TAFA5: variants seen among roughly 807,000 people sequenced by gnomAD.
The protein encoded by TAFA5 is TAFA chemokine like family member 5, also known as chemokine-like protein TAFA-5.
In TAFA5, 6 loss-of-function variants were observed where a neutral mutation model predicts 15.3. The ratio of observed to expected loss-of-function variants is 0.39; its 90% CI spans 0.21 to 0.77. TAFA5 has a LOEUF of 0.77. TAFA5 is among the 30% of genes least tolerant of loss of function. TAFA5 has a pLI of 0.41. For synonymous variants in TAFA5, 103 were observed against 80.7 expected (o/e 1.28, Z -1.48); for missense variants, 161 against 193.1 (o/e 0.83, Z 0.98).
At chr22:48,539,239 G>T in intron 1 of TAFA5, 1 of 388,770 alleles carries the variant, frequency 2.6e-6, no homozygotes, top group Non-Finnish European at 5.3e-6. Context: ...AATGAAGACA[G>T]GACTGGCCCA....
At chr22:48,569,039 G>A (rs956006486) in intron 1 of TAFA5, among the ~76,000 whole-genome samples, 61 of 152,236 alleles carry the variant, frequency 4.0e-4, no homozygotes, top group African/African-American at 8.7e-4. Flanking sequence ...GGGCAGGGCC[G>A]GGCTGTGAGC....
intron 1 of TAFA5, among the ~76,000 whole-genome samples, chr22:48,502,816 C>T (rs138794643): frequency 7.5e-4 from 114 of 152,332 alleles, no homozygotes; most frequent in African/African-American, 2.5e-3. Context: ...GCCACCACCG[C>T]ACCTGGCCAA....
chr22:48,544,307 C>T (rs1389441142), intron 1 of TAFA5: 2 of 256,198 alleles, frequency 7.8e-6, no homozygotes, highest in Non-Finnish European at 1.6e-5. Flanking sequence ...GGGGCATCCT[C>T]CCCCTGCGTT....
chr22:48,711,818 C>T (rs58317857), intron 3 of TAFA5, among the ~76,000 whole-genome samples: 6,408 of 152,264 alleles, frequency 0.042, 429 homozygotes, highest in African/African-American at 0.14. Flanking sequence ...TGCCCAGCTG[C>T]GCGCCACCAT....
At chr22:48,646,214 C>G (rs1464597366) in intron 1 of TAFA5, among the ~76,000 whole-genome samples, 1 of 152,176 alleles carries the variant, frequency 6.6e-6, no homozygotes, top group African/African-American at 2.4e-5. Context: ...AGCACTGTGC[C>G]TCGTACAGCC....
intron 1 of TAFA5, among the ~76,000 whole-genome samples, chr22:48,542,279 G>A (rs1379917507): frequency 7.6e-6 from 1 of 130,816 alleles, no homozygotes; most frequent in African/African-American, 2.7e-5. Flanking sequence ...GTGTGTGGGG[G>A]GTGTGTGTGC....
In TAFA5 at chr22:48,751,877, CA is replaced by C. The variant is rs1930508615; in HGVS notation, c.*2032del. The C allele has an allele frequency of 6.6e-6, 1 of 152,518 alleles. No individual in the cohort carries two copies. Among genetic ancestry groups the C allele is most frequent in the African/African-American group, 2.4e-5 (1 of 41,436 alleles). 9.4% of individuals were successfully genotyped at this position (152,518 alleles called of 1,614,324 possible). On this transcript the variant is annotated 3_prime_UTR_variant, in exon 4 of 4. Coordinates refer to ENST00000402357, the MANE Select transcript of TAFA5 (RefSeq NM_001082967.3). ...TTTTTTTTTCTTGTTTTACAGTATT[CA>C]ATTTTGTGTTGATTCAGCTAAATTA...
In TAFA5 at chr22:48,552,967, C is replaced by T. The variant is rs1922909069; in HGVS notation, c.112+63263C>T. On this transcript the variant is annotated intron_variant, in intron 1 of 3. Transcript: ENST00000402357. The surrounding 1 kb of genome is among the most constrained non-coding windows in gnomAD (Gnocchi z 4.1). ...GGGGCTGATCTGAGGGGGGCTCGTC[C>T]CCAACCACCTGGTCACAGGCAGAGA... Among the ~76,000 whole-genome samples, 1 of 152,238 alleles carries T rather than the reference C, an allele frequency of 6.6e-6. No individual in the cohort carries two copies. The highest frequency in any genetic ancestry group is 1.9e-4 in the East Asian group (1 of 5,142).
At chr22:48,605,674 C>G (rs1187725717) in intron 1 of TAFA5, among the ~76,000 whole-genome samples, 1 of 152,136 alleles carries the variant, frequency 6.6e-6, no homozygotes, top group East Asian at 1.9e-4. Context: ...AAAGCTTGTA[C>G]CTGGGAGGCC....
At chr22:48,680,382 T>G (rs548397508) in intron 2 of TAFA5, among the ~76,000 whole-genome samples, 1 of 152,324 alleles carries the variant, frequency 6.6e-6, no homozygotes, top group Admixed American at 6.5e-5. Context: ...GTACCCGCCA[T>G]GCAGTTGCCT....
intron 3 of TAFA5, among the ~76,000 whole-genome samples, chr22:48,720,272 CT>C (rs1929531137): frequency 6.6e-6 from 1 of 152,114 alleles, no homozygotes; most frequent in Non-Finnish European, 1.5e-5. Flanking sequence ...CCTCCTTCTC[CT>C]TTTCCCTGCC....
At chr22:48,575,402 G>A (rs1449057689) in intron 1 of TAFA5, among the ~76,000 whole-genome samples, 2 of 147,412 alleles carry the variant, frequency 1.4e-5, no homozygotes, top group Non-Finnish European at 3.0e-5. Context: ...GGCGGCGGGC[G>A]CGGGCCGGAG....
intron 1 of TAFA5, among the ~76,000 whole-genome samples, chr22:48,551,276 G>A (rs959575041): frequency 2.0e-5 from 3 of 152,122 alleles, no homozygotes; most frequent in African/African-American, 4.8e-5. Flanking sequence ...AGGTCAGTGC[G>A]TCTGAGCTCG....
chr22:48,538,413 T>C (rs1725590779), intron 1 of TAFA5, among the ~76,000 whole-genome samples: 1 of 152,236 alleles, frequency 6.6e-6, no homozygotes, highest in Non-Finnish European at 1.5e-5. Flanking sequence ...TAGTTGGGTA[T>C]TGGCTGGCGA....
chr22:48,607,288 A>C (rs1297557807), intron 1 of TAFA5, among the ~76,000 whole-genome samples: 1 of 82,144 alleles, frequency 1.2e-5, no homozygotes, highest in East Asian at 4.0e-4. Flanking sequence ...CCTGGAGCAG[A>C]TCTGTCCTGG....
chr22:48,684,645 C>A (rs1928297800), intron 2 of TAFA5, among the ~76,000 whole-genome samples: 1 of 152,218 alleles, frequency 6.6e-6, no homozygotes, highest in South Asian at 2.1e-4. Flanking sequence ...CACTCCTGCC[C>A]GCTTCCCAGG....
intron 1 of TAFA5, among the ~76,000 whole-genome samples, chr22:48,559,529 A>G (rs1165156164): frequency 6.6e-6 from 1 of 152,010 alleles, no homozygotes; most frequent in African/African-American, 2.4e-5. Flanking sequence ...GACATGGCTG[A>G]TGGAGGAAGG....
At chr22:48,581,394 C>T (rs895224843) in intron 1 of TAFA5, among the ~76,000 whole-genome samples, 6 of 152,214 alleles carry the variant, frequency 3.9e-5, no homozygotes, top group African/African-American at 1.2e-4. Context: ...CTGATCTTGC[C>T]GCCGGCATCT....
rs574215161 is a variant in TAFA5, at chr22:48,589,651, T to G, written c.113-56946T>G. Among the ~76,000 whole-genome samples the G allele has an allele frequency of 3.9e-5, 6 of 152,232 alleles. No individual in the cohort carries two copies. In the East Asian group the frequency reaches 1.2e-3, roughly 30 times the overall value. On this transcript the variant is annotated intron_variant, in intron 1 of 3. Transcript: ENST00000402357. ...AAGATGATGGTGCCTTAGGTTAGGA[T>G]GCACCCAAACTCCAAAGGCAAGTCC...
Sources: allele counts gnomAD v4.1 joint callset (sites outside exome capture counted in the v4.1 genomes callset), GRCh38; gene constraint gnomAD v4.1.1; non-coding constraint Gnocchi (gnomAD v3.1); transcripts MANE v1.5; gene names NCBI Gene and HGNC (gene_info 2026-07-23, HGNC 2026-07-21).